The following LRP1B variants were observed in gnomAD, a reference collection of about 807,000 sequenced individuals.
LRP1B encodes the protein low-density lipoprotein receptor-related protein 1B.
A neutral mutation model predicts 556.6 loss-of-function variants in LRP1B; 217 were observed. The ratio of observed to expected loss-of-function variants is 0.39; its 90% CI spans 0.35 to 0.44. The LOEUF (loss-of-function observed/expected upper bound fraction) is 0.44. Ranked by LOEUF, LRP1B falls within the 20% of genes least tolerant of loss-of-function variation. The pLI, the probability that LRP1B is intolerant of heterozygous loss-of-function variation, is 1.00. For synonymous variants in LRP1B, 2,047 were observed against 1,865.8 expected (o/e 1.10, Z -2.50); for missense variants, 5,053 against 5,620.8 (o/e 0.90, Z 3.23).
chr2:140,840,960 C>T lies in LRP1B; in HGVS notation c.5072G>A (p.Gly1691Glu), dbSNP rs2105097492. 6.2e-7 allele frequency: 1 copy of T among 1,613,320 alleles called. No homozygotes were observed. Among genetic ancestry groups the T allele is most frequent in the Non-Finnish European group, 8.5e-7 (1 of 1,179,590 alleles). ...TGCAAGACACTGTGGCTTATCGATT[C>T]CATGGATAATTGAGGTTTTCAAAGA... is the stretch of plus-strand genomic sequence containing the variant. ...DGSLKTSIIH[G>E]IDKPQCLAAH... The change falls in exon 30 of 91, where the codon GGA becomes GAA. Residue 1691 changes from glycine (G) to glutamate (E), a missense_variant. By Grantham distance (98) the Gly-to-Glu change is moderately conservative. This residue lies in a region of LRP1B where 3,619 missense variants were observed against 3,931.9 expected (regional missense o/e 0.92). Transcript: ENST00000389484.
At chr2:141,308,183 A>C (rs911950977) in intron 3 of LRP1B, among the ~76,000 whole-genome samples, 1 of 152,200 alleles carries the variant, frequency 6.6e-6, no homozygotes, top group Non-Finnish European at 1.5e-5. Context: ...AATGTAAGTC[A>C]CTGCAAAATA....
intron 1 of LRP1B, among the ~76,000 whole-genome samples, chr2:141,967,900 T>A (rs1314616984): frequency 6.6e-6 from 1 of 151,866 alleles, no homozygotes; most frequent in African/African-American, 2.4e-5. Flanking sequence ...TAGGTCTCGT[T>A]TTTAATGTGG....
At chr2:141,696,303 A>G (rs893923218) in intron 2 of LRP1B, among the ~76,000 whole-genome samples, 2 of 152,050 alleles carry the variant, frequency 1.3e-5, no homozygotes, top group Non-Finnish European at 2.9e-5. Flanking sequence ...ATAAATGACC[A>G]ATAAAATACT....
intron 2 of LRP1B, among the ~76,000 whole-genome samples, chr2:141,510,911 C>CCCACA (rs1553524356): frequency 1.4e-5 from 2 of 144,654 alleles, no homozygotes; most frequent in South Asian, 2.2e-4. Flanking sequence ...CACACACACC[C>CCCACA]CACACAAACA....
chr2:141,137,266 G>A (rs968928313), intron 7 of LRP1B, among the ~76,000 whole-genome samples: 2 of 151,950 alleles, frequency 1.3e-5, no homozygotes, highest in African/African-American at 4.8e-5. Context: ...GTTAGTTACA[G>A]AGGGGAGAAA....
intron 18 of LRP1B, among the ~76,000 whole-genome samples, chr2:140,952,791 C>T (rs915139325): frequency 1.3e-5 from 2 of 152,046 alleles, no homozygotes; most frequent in East Asian, 1.9e-4. Flanking sequence ...AATATAATTG[C>T]TGAACACTTT....
chr2:140,623,952 TTATG>T (rs1464252367), intron 41 of LRP1B, among the ~76,000 whole-genome samples: 1 of 15,290 alleles, frequency 6.5e-5, no homozygotes, highest in Admixed American at 8.2e-4. Flanking sequence ...TATATTTTAT[TTATG>T]TATATATATA....
chr2:141,391,867 G>T (rs4954902), intron 3 of LRP1B, among the ~76,000 whole-genome samples: 5 of 151,970 alleles, frequency 3.3e-5, no homozygotes, highest in Non-Finnish European at 7.4e-5. Flanking sequence ...TCTAGAGGCT[G>T]GTATCAGTAT....
At chr2:142,048,094 G>A (rs779304375) in intron 1 of LRP1B, among the ~76,000 whole-genome samples, 1 of 151,888 alleles carries the variant, frequency 6.6e-6, no homozygotes. Context: ...TTTTTCTGTT[G>A]TTGCTTAAAT....
chr2:141,647,703 G>GTT (rs61107233), intron 2 of LRP1B, among the ~76,000 whole-genome samples: 93,708 of 145,218 alleles, frequency 0.65, 31,793 homozygotes, highest in East Asian at 0.83. Flanking sequence ...TAACCTTCTA[G>GTT]TTTTTTTTTT....
At chr2:141,188,273 T>A in intron 7 of LRP1B, 148 bp downstream of exon 7, 1 of 736,578 alleles carries the variant, frequency 1.4e-6, no homozygotes, top group Non-Finnish European at 2.2e-6. Flanking sequence ...ATAGCCTTTT[T>A]TCCTTCCTGC....
intron 1 of LRP1B, among the ~76,000 whole-genome samples, chr2:141,988,719 C>T (rs1170578437): frequency 6.6e-6 from 1 of 152,012 alleles, no homozygotes; most frequent in Non-Finnish European, 1.5e-5. Context: ...GTTGATGCTG[C>T]ATGGTTAAAA....
intron 41 of LRP1B, among the ~76,000 whole-genome samples, chr2:140,629,892 T>C (rs1283271391): frequency 6.6e-6 from 1 of 152,110 alleles, no homozygotes; most frequent in African/African-American, 2.4e-5. Context: ...ACACAGGTAG[T>C]GCTAAAACTT....
chr2:141,266,004 A>G (rs1277637739), intron 3 of LRP1B, among the ~76,000 whole-genome samples: 1 of 152,194 alleles, frequency 6.6e-6, no homozygotes, highest in Non-Finnish European at 1.5e-5. Flanking sequence ...AGTGATATGC[A>G]TAACTTCTGT....
chr2:140,557,937 T>G (rs1455002510), intron 43 of LRP1B, among the ~76,000 whole-genome samples: 1 of 152,142 alleles, frequency 6.6e-6, no homozygotes, highest in South Asian at 2.1e-4. Context: ...TCTCTTTCTG[T>G]GCAGTTCAGT....
intron 84 of LRP1B, among the ~76,000 whole-genome samples, chr2:140,282,404 A>G (rs915913083): frequency 6.6e-6 from 1 of 151,808 alleles, no homozygotes; most frequent in Admixed American, 6.6e-5. Context: ...TTGCACACAA[A>G]CAAGAGGTAG....
At chr2:141,613,312 T>C (rs1559176974) in intron 2 of LRP1B, among the ~76,000 whole-genome samples, 1 of 152,146 alleles carries the variant, frequency 6.6e-6, no homozygotes, top group Non-Finnish European at 1.5e-5. Flanking sequence ...CCAGTATTAC[T>C]GGGACCTCTA....
intron 1 of LRP1B, among the ~76,000 whole-genome samples, chr2:142,081,051 C>A (rs1222385088): frequency 6.6e-6 from 1 of 151,872 alleles, no homozygotes; most frequent in African/African-American, 2.4e-5. Context: ...AATAATAAAC[C>A]TATGCACTCT....
chr2:140,612,223 T>G (rs1028692069), intron 41 of LRP1B, among the ~76,000 whole-genome samples: 3 of 152,128 alleles, frequency 2.0e-5, no homozygotes, highest in African/African-American at 7.2e-5. Flanking sequence ...TTATGAGGTG[T>G]AATAATTCAG....
Sources: allele counts gnomAD v4.1 joint callset (sites outside exome capture counted in the v4.1 genomes callset), GRCh38; gene constraint gnomAD v4.1.1; regional missense constraint gnomAD v4.1.1; transcripts MANE v1.5; gene names NCBI Gene and HGNC (gene_info 2026-07-23, HGNC 2026-07-21).